The following DNAH12 variants were observed in gnomAD, a reference collection of about 807,000 sequenced individuals.
DNAH12 encodes dynein axonemal heavy chain 12, also known as axonemal beta dynein heavy chain 12.
A neutral mutation model predicts 371.5 loss-of-function variants in DNAH12; 285 were observed. That is an observed-to-expected ratio of 0.77 (90% confidence interval 0.70 to 0.85). DNAH12 has a LOEUF of 0.85. DNAH12 is among the 40% of genes least tolerant of loss of function. The pLI is 0.00. For missense variants in DNAH12, 3,611 were observed against 3,689.4 expected (o/e 0.98, Z 0.55); for synonymous variants, 1,200 against 1,213.0 (o/e 0.99, Z 0.22).
chr3:57,540,083 G>A (rs1422968311), intron 2 of DNAH12, among the ~76,000 whole-genome samples: 2 of 150,460 alleles, frequency 1.3e-5, no homozygotes, highest in Admixed American at 6.6e-5. Context: ...ATGGAGTCTC[G>A]CTCTGTTGCC....
Position 57,368,151 on chromosome 3 carries a change from A to G in DNAH12, c.8869T>C (p.Leu2957=), listed in dbSNP as rs2063091787. 6.6e-6 allele frequency: 1 copy of G among 152,210 alleles called. No homozygotes were observed. The highest frequency in any genetic ancestry group is 2.1e-4 in the South Asian group (1 of 4,836). The allele number at this position is 152,210 out of a possible 1,614,324, so 9.4% of individuals were successfully genotyped here. A position where few individuals can be genotyped will look rare whatever the true frequency, so the allele number is the denominator to read the frequency against. ...GTTCCAAACTGAATACAGTTTTCCA[A>G]TGTTCTCATATAGTCTGAATCTGAT... is the stretch of plus-strand genomic sequence containing the variant. ...KLSDSDYMRT[L]ENCIQFGTPL... The change falls in exon 56 of 74, where the codon TTG becomes CTG. Residue 2957 remains leucine (L), a synonymous_variant. Transcript: ENST00000495027.
At chr3:57,427,777 C>T (rs1320824276) in intron 34 of DNAH12, among the ~76,000 whole-genome samples, 1 of 152,094 alleles carries the variant, frequency 6.6e-6, no homozygotes, top group Non-Finnish European at 1.5e-5. Flanking sequence ...CCAAGGAACA[C>T]CTGAGGCTAC....
At chr3:57,444,522 G>C (rs2065413257) in intron 29 of DNAH12, among the ~76,000 whole-genome samples, 175 bp downstream of exon 29, 1 of 151,958 alleles carries the variant, frequency 6.6e-6, no homozygotes, top group Non-Finnish European at 1.5e-5. Context: ...GGTTAACCCT[G>C]GTATCATATA....
chr3:57,449,667 C>T (rs1407093263), intron 25 of DNAH12, among the ~76,000 whole-genome samples: 5 of 152,242 alleles, frequency 3.3e-5, no homozygotes, highest in African/African-American at 4.8e-5. Context: ...CCCACGCCCA[C>T]CTGTAACTCC....
intron 2 of DNAH12, among the ~76,000 whole-genome samples, chr3:57,540,230 T>G (rs2069218024): frequency 6.6e-6 from 1 of 151,704 alleles, no homozygotes; most frequent in Non-Finnish European, 1.5e-5. Context: ...TTTGTATTTT[T>G]AGTAGAGACA....
intron 50 of DNAH12, among the ~76,000 whole-genome samples, 174 bp downstream of exon 50, chr3:57,382,088 G>C (rs1401864391): frequency 1.3e-5 from 2 of 152,038 alleles, no homozygotes; most frequent in Admixed American, 1.3e-4. Context: ...GACTGGTCTG[G>C]AACCACGTTT....
intron 55 of DNAH12, among the ~76,000 whole-genome samples, chr3:57,373,954 A>C: frequency 6.6e-6 from 1 of 152,238 alleles, no homozygotes; most frequent in Non-Finnish European, 1.5e-5. Context: ...AGCTTCCAGA[A>C]AGATTTGCAA....
intron 60 of DNAH12, 121 bp downstream of exon 60, chr3:57,351,964 A>G: frequency 2.0e-6 from 2 of 1,012,932 alleles, no homozygotes; most frequent in Non-Finnish European, 2.8e-6. Context: ...TGAAATGCAC[A>G]AGTAAAATCA....
intron 39 of DNAH12, among the ~76,000 whole-genome samples, chr3:57,409,087 G>C (rs1419027335): frequency 6.6e-6 from 1 of 152,044 alleles, no homozygotes; most frequent in Non-Finnish European, 1.5e-5. Context: ...TGTCTAAATA[G>C]GATCTATACA....
chr3:57,304,898 C>CTT (rs2061437289), intron 69 of DNAH12, among the ~76,000 whole-genome samples: 1 of 151,968 alleles, frequency 6.6e-6, no homozygotes, highest in South Asian at 2.1e-4. Context: ...TCTCTACTCT[C>CTT]TTTTCTCTGG....
chr3:57,498,682 A>G (rs1291384419), intron 11 of DNAH12: 3 of 669,806 alleles, frequency 4.5e-6, no homozygotes, highest in East Asian at 5.4e-5. Context: ...ATACCTATAC[A>G]GTGAAATACT....
chr3:57,550,845 C>G, the DNAH12 span, among the ~76,000 whole-genome samples: 121 of 151,096 alleles, frequency 8.0e-4, no homozygotes, highest in African/African-American at 2.8e-3. Context: ...AAAAGTTTTT[C>G]ATTTTTTTTG....
intron 30 of DNAH12, among the ~76,000 whole-genome samples, chr3:57,435,072 A>T (rs2065076426): frequency 6.6e-6 from 1 of 152,190 alleles, no homozygotes; most frequent in Non-Finnish European, 1.5e-5. Flanking sequence ...TCACATTATT[A>T]AAACCTATGA....
Position 57,507,755 on chromosome 3 carries a change from G to A in DNAH12, c.785C>T (p.Thr262Ile), listed in dbSNP as rs1450553486. 2.5e-6 allele frequency: 4 copies of A among 1,611,626 alleles called. No individual in the cohort carries two copies. The highest frequency in any genetic ancestry group is 3.4e-6 in the Non-Finnish European group (4 of 1,179,638). ...TRNAEEKIMNTWYPKVINLFT... is the reference protein window; with the variant it reads ...TRNAEEKIMNIWYPKVINLFT... ...GAGATTTATAACCTTTGGATACCAT[G>A]TATTCATTATCTTCTCTTCTGCGTT... Residue 262 changes from threonine (T) to isoleucine (I), a missense_variant, in exon 8 of 74, where the codon ACA becomes ATA. Physicochemically the swap from Thr to Ile is moderately conservative, Grantham distance 89 (BLOSUM62 -1). Transcript: ENST00000495027.
intron 36 of DNAH12, 109 bp from the exon 37 acceptor site, chr3:57,419,627 C>T (rs942344979): frequency 1.4e-6 from 1 of 714,314 alleles, no homozygotes. Flanking sequence ...CTTAAGTCTT[C>T]CCCCTTTTAA....
chr3:57,460,872 G>A (rs146081228), intron 19 of DNAH12, among the ~76,000 whole-genome samples: 130 of 152,238 alleles, frequency 8.5e-4, no homozygotes, highest in Middle Eastern at 3.4e-3. Flanking sequence ...TACTTTGAAG[G>A]TCTGCTGCAG....
chr3:57,550,480 G>A, the DNAH12 span, among the ~76,000 whole-genome samples: 43 of 151,656 alleles, frequency 2.8e-4, 1 homozygote, highest in Non-Finnish European at 5.7e-4. Context: ...TTTTATATCC[G>A]TTTATTTTTG....
intron 70 of DNAH12, among the ~76,000 whole-genome samples, chr3:57,299,222 C>A (rs144511414): frequency 2.5e-3 from 377 of 152,322 alleles, no homozygotes; most frequent in African/African-American, 8.7e-3. Context: ...TCCTTTATCC[C>A]AGAGTGTCAT....
At chr3:57,385,923 G>A (rs1337653931) in intron 47 of DNAH12, among the ~76,000 whole-genome samples, 2 of 152,072 alleles carry the variant, frequency 1.3e-5, no homozygotes, top group Non-Finnish European at 2.9e-5. Context: ...AAAGACCTCA[G>A]TAGGAGAATG....
Sources: gnomAD v4.1 joint callset for allele counts (sites outside exome capture counted in the v4.1 genomes callset) on GRCh38, gnomAD v4.1.1 for gene constraint, MANE v1.5 for transcripts, NCBI Gene and HGNC (gene_info 2026-07-23, HGNC 2026-07-21) for gene names.